Variants in CDH13 observed in about 807,000 individuals in gnomAD.
The protein encoded by CDH13 is cadherin 13.
Under a neutral mutation model 63.8 loss-of-function variants are expected in CDH13, and 24 were observed. The observed-to-expected ratio is 0.38, with a 90% CI of 0.27 to 0.53. The LOEUF (loss-of-function observed/expected upper bound fraction) is 0.53. CDH13 is among the 20% of genes least tolerant of loss of function. The probability of loss-of-function intolerance (pLI) is 0.85; values close to 1 mark genes in which losing one functional copy is unlikely to be tolerated. For missense variants in CDH13, 1,049 were observed against 903.1 expected (o/e 1.16, Z -2.07); for synonymous variants, 503 against 355.3 (o/e 1.42, Z -4.67).
chr16:83,181,978 G>C (rs949557524), intron 4 of CDH13, among the ~76,000 whole-genome samples: 1 of 152,178 alleles, frequency 6.6e-6, no homozygotes, highest in Non-Finnish European at 1.5e-5. Context: ...GCTGCACACA[G>C]AAGCTGGATT....
chr16:83,059,743 A>G (rs1293076258), intron 3 of CDH13, among the ~76,000 whole-genome samples: 1 of 149,254 alleles, frequency 6.7e-6, no homozygotes, highest in Non-Finnish European at 1.5e-5. Flanking sequence ...ACCTCCCTGT[A>G]TCACTAACTT....
At chr16:83,741,488 G>GTATATATA (rs59956039) in intron 10 of CDH13, among the ~76,000 whole-genome samples, 63 of 144,784 alleles carry the variant, frequency 4.4e-4, no homozygotes, top group African/African-American at 1.4e-3. Flanking sequence ...ATGTGTGTGT[G>GTATATATA]TATATATATA....
chr16:82,989,317 A>G (rs947898405), intron 2 of CDH13, among the ~76,000 whole-genome samples: 10 of 152,224 alleles, frequency 6.6e-5, no homozygotes, highest in Non-Finnish European at 1.5e-4. Context: ...TATAGTTTGC[A>G]TATCGTATTA....
intron 1 of CDH13, among the ~76,000 whole-genome samples, chr16:82,792,482 C>T (rs540437671): frequency 1.3e-5 from 2 of 152,272 alleles, no homozygotes; most frequent in South Asian, 4.1e-4. Context: ...CAATTCAGTA[C>T]AATTCTGGGG....
intron 6 of CDH13, among the ~76,000 whole-genome samples, chr16:83,470,982 C>G (rs146735104): frequency 5.3e-5 from 8 of 152,242 alleles, no homozygotes; most frequent in African/African-American, 1.9e-4. Flanking sequence ...GTCACCTGCA[C>G]TCCTTGGCTC....
Position 83,607,115 on chromosome 16 carries a change from T to G in CDH13, c.1101+4521T>G, listed in dbSNP as rs112855457. Among the ~76,000 whole-genome samples the G allele has an allele frequency of 8.6e-3, 1,312 of 152,226 alleles. 13 individuals are homozygous for G. Among genetic ancestry groups the G allele is most frequent in the Non-Finnish European group, 0.013 (912 of 68,012 alleles). Reference sequence around the variant, plus strand: ...TTTAAAGGTTACTTTTAAAAGTAAATTCTTATTGCAAAGTAAGCTCATCCA... The same window carrying G: ...TTTAAAGGTTACTTTTAAAAGTAAAGTCTTATTGCAAAGTAAGCTCATCCA... On this transcript the variant is annotated intron_variant, in intron 8 of 13. Coordinates refer to ENST00000567109, the MANE Select transcript of CDH13 (RefSeq NM_001257.5).
At position 83,482,807 on chromosome 16, in the gene CDH13, C is replaced by G. The variant is rs114762940; in HGVS notation, c.782-3670C>G. ...CACAGTAGAAACCCAGATCTGCACA[C>G]TAAGACCATGGGCAGGGTGGGAGAA... On this transcript the variant is annotated intron_variant, in intron 6 of 13. Coordinates refer to ENST00000567109, the MANE Select transcript of CDH13 (RefSeq NM_001257.5). 5.0e-3 allele frequency among the ~76,000 whole-genome samples: 757 copies of G among 152,310 alleles called. 1 individual carries two copies. Among genetic ancestry groups the G allele is most frequent in the African/African-American group, 0.011 (453 of 41,554 alleles).
chr16:82,687,973 C>T (rs767211244), intron 1 of CDH13, among the ~76,000 whole-genome samples: 3 of 152,148 alleles, frequency 2.0e-5, no homozygotes, highest in South Asian at 2.1e-4. Context: ...TTTTACTGTC[C>T]ATTGCCACAA....
Position 83,717,521 on chromosome 16 carries a change from C to T in CDH13, c.1539-30587C>T, listed in dbSNP as rs555513375. Among the ~76,000 whole-genome samples, 8 of 152,330 alleles carry T rather than the reference C, an allele frequency of 5.3e-5. No homozygotes were observed. In the South Asian group the frequency reaches 1.7e-3, roughly 32 times the overall value. ...AGGCCATCCTGCTGAAGGACGACAC[C>T]ATCAGGAAGAAACAGGTAGTGACAT... On this transcript the variant is annotated intron_variant, in intron 10 of 13. Coordinates refer to ENST00000567109, the MANE Select transcript of CDH13 (RefSeq NM_001257.5).
chr16:83,635,797 T>C (rs1911209184), intron 8 of CDH13, among the ~76,000 whole-genome samples: 1 of 152,182 alleles, frequency 6.6e-6, no homozygotes, highest in African/African-American at 2.4e-5. Flanking sequence ...AGAACAAAAG[T>C]TTTTAATTTC....
At chr16:83,242,226 A>G (rs117802001) in intron 5 of CDH13, among the ~76,000 whole-genome samples, 366 of 152,256 alleles carry the variant, frequency 2.4e-3, no homozygotes, top group Middle Eastern at 0.014. Flanking sequence ...TTTGATTACC[A>G]TTGCTTTGTA....
chr16:83,459,611 G>A (rs1360808794), intron 6 of CDH13, among the ~76,000 whole-genome samples: 1 of 152,226 alleles, frequency 6.6e-6, no homozygotes, highest in Non-Finnish European at 1.5e-5. Flanking sequence ...GAAAATGGCT[G>A]ACAGATTCGC....
At chr16:82,944,287 C>G (rs887868193) in intron 2 of CDH13, among the ~76,000 whole-genome samples, 24 of 152,134 alleles carry the variant, frequency 1.6e-4, no homozygotes, top group Non-Finnish European at 3.2e-4. Context: ...GTATGACTTG[C>G]AGAGGCATTG....
intron 2 of CDH13, among the ~76,000 whole-genome samples, chr16:82,952,827 C>T (rs977839276): frequency 6.6e-6 from 1 of 152,170 alleles, no homozygotes; most frequent in Non-Finnish European, 1.5e-5. Context: ...AGAACTGACA[C>T]CCTGTCTTGT....
intron 5 of CDH13, among the ~76,000 whole-genome samples, chr16:83,226,373 T>C (rs1284978293): frequency 6.6e-6 from 1 of 152,174 alleles, no homozygotes; most frequent in African/African-American, 2.4e-5. Flanking sequence ...TATGGAAACA[T>C]ATTTTTCTCT....
chr16:82,675,121 A>G (rs1913747452), intron 1 of CDH13, among the ~76,000 whole-genome samples: 1 of 152,188 alleles, frequency 6.6e-6, no homozygotes. Flanking sequence ...TAATTTTGCA[A>G]CTTAAAAATC....
intron 1 of CDH13, among the ~76,000 whole-genome samples, chr16:82,774,226 T>C (rs1202409030): frequency 6.6e-6 from 1 of 152,124 alleles, no homozygotes; most frequent in Non-Finnish European, 1.5e-5. Flanking sequence ...GAAGCAGTGA[T>C]TAAAACAAAA....
chr16:83,712,161 G>C (rs1196797006), intron 10 of CDH13, among the ~76,000 whole-genome samples: 1 of 152,206 alleles, frequency 6.6e-6, no homozygotes, highest in Non-Finnish European at 1.5e-5. Context: ...TGAGGTGCTG[G>C]AGATTAGGAC....
intron 2 of CDH13, among the ~76,000 whole-genome samples, chr16:82,906,511 G>C (rs907269346): frequency 6.6e-6 from 1 of 152,188 alleles, no homozygotes; most frequent in Non-Finnish European, 1.5e-5. Context: ...CTAATGGACT[G>C]GGGAGAATGG....
Sources: allele counts gnomAD v4.1 joint callset (sites outside exome capture counted in the v4.1 genomes callset), GRCh38; gene constraint gnomAD v4.1.1; transcripts MANE v1.5; gene names NCBI Gene and HGNC (gene_info 2026-07-23, HGNC 2026-07-21).